Variants in PDE7B observed in about 807,000 individuals in gnomAD.
The protein encoded by PDE7B is phosphodiesterase 7B.
PDE7B carries 29 observed loss-of-function variants against 56.2 expected under a neutral mutation model. The ratio of observed to expected loss-of-function variants is 0.52; its 90% CI spans 0.38 to 0.70. The LOEUF (loss-of-function observed/expected upper bound fraction) is 0.70, where lower values mean the gene tolerates loss of function less well. Among genes scored for constraint, PDE7B ranks in the 30% least tolerant of loss-of-function variants. The pLI, the probability that PDE7B is intolerant of heterozygous loss-of-function variation, is 0.00. For synonymous variants in PDE7B, 197 were observed against 196.9 expected (o/e 1.00, Z 0.00); for missense variants, 490 against 565.0 (o/e 0.87, Z 1.35).
intron 3 of PDE7B, among the ~76,000 whole-genome samples, chr6:136,140,269 C>T (rs904834464): frequency 2.6e-4 from 39 of 152,162 alleles, no homozygotes; most frequent in Non-Finnish European, 5.4e-4. Flanking sequence ...TTGTCAAAGA[C>T]CAGAGAGTTG....
intron 10 of PDE7B, 91 bp from the exon 11 acceptor site, chr6:136,181,136 C>A: frequency 1.2e-6 from 1 of 865,292 alleles, no homozygotes. Flanking sequence ...TGTGAGCAGA[C>A]TGAACAGCTT....
intron 2 of PDE7B, among the ~76,000 whole-genome samples, chr6:136,081,913 G>A (rs935254595): frequency 4.6e-5 from 7 of 152,154 alleles, no homozygotes; most frequent in East Asian, 1.9e-4. Context: ...AAACTAGAGC[G>A]TAAATAGGAA....
chr6:135,885,348 C>G (rs1212392382), intron 1 of PDE7B, among the ~76,000 whole-genome samples: 12 of 146,614 alleles, frequency 8.2e-5, no homozygotes, highest in Admixed American at 3.4e-4. Flanking sequence ...TTTTTTATCT[C>G]ACTGCCACTA....
At chr6:135,977,981 T>C (rs151276105) in intron 2 of PDE7B, among the ~76,000 whole-genome samples, 180 of 152,252 alleles carry the variant, frequency 1.2e-3, no homozygotes, top group African/African-American at 3.5e-3. Flanking sequence ...ATAATGAGTA[T>C]ATTATAATTT....
At chr6:135,868,514 C>G (rs1199795607) in intron 1 of PDE7B, among the ~76,000 whole-genome samples, 1 of 152,116 alleles carries the variant, frequency 6.6e-6, no homozygotes, top group African/African-American at 2.4e-5. Flanking sequence ...TCACTGCAAC[C>G]TCCGCCTCCT....
At chr6:136,097,215 C>T (rs1276984929) in intron 2 of PDE7B, among the ~76,000 whole-genome samples, 1 of 152,130 alleles carries the variant, frequency 6.6e-6, no homozygotes. Flanking sequence ...CAGAAATTCC[C>T]CCTAAGCCCC....
rs60829896 is a variant in PDE7B at position 135,935,190 on chromosome 6, TTATA to T, written c.22-12250_22-12247del. The stretch of plus-strand genomic sequence containing the variant: ...GAGAATTTTATATATATATATTTAT[TTATA>T]TATATATATATATATATATATATTT... On this transcript the variant is annotated intron_variant, in intron 1 of 12. Coordinates refer to ENST00000308191, the MANE Select transcript of PDE7B (RefSeq NM_018945.4). Among the ~76,000 whole-genome samples, 20 of 36,192 alleles carry T rather than the reference TTATA, an allele frequency of 5.5e-4. 5 individuals are homozygous for T. Among genetic ancestry groups the T allele is most frequent in the East Asian group, 2.7e-3 (2 of 750 alleles). The allele number at this position is 36,192 out of a possible 152,430, so 23.7% of individuals were successfully genotyped here. A position where few individuals can be genotyped will look rare whatever the true frequency, so the allele number is the denominator to read the frequency against.
At chr6:136,018,868 G>C (rs1428427785) in intron 2 of PDE7B, among the ~76,000 whole-genome samples, 1 of 151,892 alleles carries the variant, frequency 6.6e-6, no homozygotes, top group Non-Finnish European at 1.5e-5. Context: ...TTGCTTCACT[G>C]ATCTCCTAAA....
At chr6:135,867,034 A>C (rs1003025642) in intron 1 of PDE7B, among the ~76,000 whole-genome samples, 1 of 152,022 alleles carries the variant, frequency 6.6e-6, no homozygotes, top group African/African-American at 2.4e-5. Flanking sequence ...TGTGTGGGGG[A>C]TCTTTCGAGC....
chr6:136,143,118 C>T (rs982920819), intron 3 of PDE7B, among the ~76,000 whole-genome samples: 5 of 152,048 alleles, frequency 3.3e-5, no homozygotes, highest in Admixed American at 3.3e-4. Flanking sequence ...TTAGTGCTTC[C>T]TTCAGGAGCT....
intron 2 of PDE7B, among the ~76,000 whole-genome samples, chr6:136,081,583 AAAGCCTT>A (rs1777206945): frequency 6.6e-6 from 1 of 152,366 alleles, no homozygotes; most frequent in African/African-American, 2.4e-5. Context: ...ATTATTCTAG[AAAGCCTT>A]GCCTCTCGCA....
chr6:136,038,880 A>C (rs1776371984), intron 2 of PDE7B, among the ~76,000 whole-genome samples: 1 of 152,154 alleles, frequency 6.6e-6, no homozygotes, highest in African/African-American at 2.4e-5. Flanking sequence ...TCTTGTCAAC[A>C]AGTTAGAGAT....
chr6:136,055,984 C>A (rs970140448), intron 2 of PDE7B, among the ~76,000 whole-genome samples: 3 of 152,092 alleles, frequency 2.0e-5, no homozygotes, highest in African/African-American at 2.4e-5. Flanking sequence ...AGTATAATTT[C>A]CAAAGTAACA....
intron 3 of PDE7B, among the ~76,000 whole-genome samples, chr6:136,139,450 A>G (rs1201617467): frequency 1.3e-5 from 2 of 152,158 alleles, no homozygotes; most frequent in African/African-American, 4.8e-5. Flanking sequence ...GTGTCTTTAG[A>G]GCAGCATGAT....
intron 2 of PDE7B, among the ~76,000 whole-genome samples, chr6:136,086,849 T>C (rs932324169): frequency 6.6e-6 from 1 of 152,218 alleles, no homozygotes; most frequent in Non-Finnish European, 1.5e-5. Flanking sequence ...GGTGCCAAGA[T>C]AGACGGAGCA....
intron 2 of PDE7B, among the ~76,000 whole-genome samples, chr6:136,048,211 G>T (rs1285328092): frequency 6.6e-6 from 1 of 152,104 alleles, no homozygotes; most frequent in East Asian, 1.9e-4. Context: ...GTATGATGGT[G>T]GTAAAGGAGG....
intron 1 of PDE7B, among the ~76,000 whole-genome samples, chr6:135,926,684 G>A (rs868374085): frequency 7.2e-5 from 11 of 152,128 alleles, no homozygotes; most frequent in African/African-American, 2.7e-4. Context: ...GTGGTGGTCA[G>A]AAAGGCCTTC....
intron 2 of PDE7B, among the ~76,000 whole-genome samples, chr6:136,020,423 G>A (rs868198734): frequency 2.6e-5 from 4 of 151,800 alleles, no homozygotes; most frequent in African/African-American, 7.3e-5. Context: ...ATTTACATAC[G>A]CATATGTTAT....
chr6:136,139,128 C>T (rs529649454), intron 3 of PDE7B, among the ~76,000 whole-genome samples: 33 of 152,222 alleles, frequency 2.2e-4, no homozygotes, highest in African/African-American at 6.7e-4. Context: ...CTTCCCCCGA[C>T]GCCACAACAG....
Sources: allele counts gnomAD v4.1 joint callset (sites outside exome capture counted in the v4.1 genomes callset), GRCh38; gene constraint gnomAD v4.1.1; transcripts MANE v1.5; gene names NCBI Gene and HGNC (gene_info 2026-07-23, HGNC 2026-07-21).